Variants in CYFIP2 observed in about 807,000 individuals in gnomAD.
CYFIP2 encodes the protein cytoplasmic FMR1-interacting protein 2.
In CYFIP2, 29 loss-of-function variants were observed where a neutral mutation model predicts 158.7. The ratio of observed to expected loss-of-function variants is 0.18; its 90% confidence interval spans 0.14 to 0.25. The LOEUF is 0.25. Ranked by LOEUF, CYFIP2 falls within the 10% of genes least tolerant of loss-of-function variation. The probability of loss-of-function intolerance (pLI) is 1.00; values close to 1 mark genes in which losing one functional copy is unlikely to be tolerated. For synonymous variants in CYFIP2, 585 were observed against 617.6 expected, an observed-to-expected ratio of 0.95 and a Z score of 0.78; for missense variants, 852 against 1,639.5, an observed-to-expected ratio of 0.52 and a Z score of 8.29.
Position 157,339,114 on chromosome 5 carries a change from A to G in CYFIP2, c.2443A>G (p.Met815Val). The change falls in exon 22 of 31, where the codon ATG becomes GTG. Residue 815 changes from methionine (M) to valine (V), a missense_variant. Physicochemically the swap from Met to Val is conservative, Grantham distance 21 (BLOSUM62 1). Around this residue, in one of 8 missense-constraint regions of CYFIP2, gnomAD observed 191 missense variants for 311.2 expected, o/e 0.61. Transcript: ENST00000620254. ...RLTHRLLCKH[M>V]TLDSFDAMFR... ...CACGCATCGGCTGCTCTGTAAGCAT[A>G]TGACGCTGGACAGCTTCGATGCCAT... The G allele has an allele frequency of 6.2e-7, 1 of 1,614,012 alleles. No homozygotes were observed. The highest frequency in any genetic ancestry group is 1.3e-5 in the African/African-American group (1 of 75,062).
chr5:157,357,835 AAAAC>A (rs955494766), intron 23 of CYFIP2, among the ~76,000 whole-genome samples: 22 of 152,014 alleles, frequency 1.4e-4, no homozygotes, highest in African/African-American at 5.1e-4. Flanking sequence ...TCTCAAAAAA[AAAAC>A]AAAGAAAAAA....
intron 10 of CYFIP2, among the ~76,000 whole-genome samples, chr5:157,310,336 T>C (rs2113027432): frequency 6.6e-6 from 1 of 152,314 alleles, no homozygotes; most frequent in East Asian, 1.9e-4. Context: ...GTTGGGGGGC[T>C]CCAACCTCTG....
intron 21 of CYFIP2, 124 bp from the exon 22 acceptor site, chr5:157,338,933 T>A (rs149102249): frequency 1.7e-5 from 15 of 892,952 alleles, no homozygotes; most frequent in African/African-American, 1.5e-4. Flanking sequence ...CTAGTTCCCA[T>A]GTAGATGGCC....
At position 157,339,628 on chromosome 5, in the gene CYFIP2, T is replaced by G. The variant is rs112061019; in HGVS notation, c.2585+372T>G. Among the ~76,000 whole-genome samples, 866 of 152,254 alleles carry G rather than the reference T, an allele frequency of 5.7e-3. 8 individuals are homozygous for G. Among genetic ancestry groups the G allele is most frequent in the African/African-American group, 0.02 (814 of 41,544 alleles). On this transcript the variant is annotated intron_variant, in intron 22 of 30. Transcript: ENST00000620254. The stretch of plus-strand genomic sequence containing the variant: ...GATCAATCACATGACAAATGTACCA[T>G]TACAAACAGTGAATAAGGAGATGAA...
At position 157,330,755 on chromosome 5, in the gene CYFIP2, A is replaced by C; in HGVS notation, c.2170A>C (p.Lys724Gln). 1 of 1,613,994 alleles carries C rather than the reference A, an allele frequency of 6.2e-7. No individual in the cohort carries two copies. Among genetic ancestry groups the C allele is most frequent in the Non-Finnish European group, 8.5e-7 (1 of 1,179,852 alleles). The change falls in exon 20 of 31, where the codon AAA becomes CAA. Residue 724 changes from lysine (K) to glutamine (Q), a missense_variant. Lys to Gln is a moderately conservative substitution (Grantham distance 53). Around this residue, in one of 8 missense-constraint regions of CYFIP2, gnomAD observed 191 missense variants for 311.2 expected, o/e 0.61. Coordinates refer to ENST00000620254, the MANE Select transcript of CYFIP2 (RefSeq NM_001037333.3). ...TATTCCTTGCAGTGTCCTGTTGGAT[A>C]AACGTTTTCGAGCTGAGTGTAAGAA... ...KAMAGSVLLD[K>Q]RFRAECKNYG... is the part of the protein sequence containing the mutation.
chr5:157,312,439 C>T (rs1333559162), intron 11 of CYFIP2, among the ~76,000 whole-genome samples: 1 of 151,856 alleles, frequency 6.6e-6, no homozygotes, highest in African/African-American at 2.4e-5. Flanking sequence ...CCAACTAAGA[C>T]TGGTATTTGG....
At chr5:157,309,880 G>C (rs776277620) in intron 10 of CYFIP2, 46 bp downstream of exon 10, 7 of 1,540,462 alleles carry the variant, frequency 4.5e-6, no homozygotes, top group Non-Finnish European at 5.3e-6. Context: ...AGGATGCCCA[G>C]CCCGGGCAGA....
chr5:157,371,620 C>T (rs750391944), intron 26 of CYFIP2, among the ~76,000 whole-genome samples: 1 of 152,130 alleles, frequency 6.6e-6, no homozygotes, highest in Non-Finnish European at 1.5e-5. Flanking sequence ...TCCAGTTAGC[C>T]TCATAGACTA....
chr5:157,286,701 T>C lies in CYFIP2; in HGVS notation c.118-318T>C, dbSNP rs985352783. 2.0e-5 allele frequency among the ~76,000 whole-genome samples: 3 copies of C among 152,280 alleles called. No homozygotes were observed. In the South Asian group the frequency reaches 6.2e-4, roughly 32 times the overall value. On this transcript the variant is annotated intron_variant, in intron 2 of 30. Transcript: ENST00000620254. ...ACCCTTGGGTGAGTATTTCTGGAACTGCCGAATCAAAGCAATGCACATCTT... is the reference window on the plus strand; with the variant it reads ...ACCCTTGGGTGAGTATTTCTGGAACCGCCGAATCAAAGCAATGCACATCTT...
intron 26 of CYFIP2, chr5:157,376,631 AT>A (rs1765505651): frequency 1.1e-5 from 2 of 180,874 alleles, no homozygotes; most frequent in Non-Finnish European, 2.4e-5. Context: ...AATGTTCAGA[AT>A]TTATGTATTC....
At chr5:157,295,681 T>A (rs1758194966) in intron 4 of CYFIP2, among the ~76,000 whole-genome samples, 1 of 152,268 alleles carries the variant, frequency 6.6e-6, no homozygotes, top group Non-Finnish European at 1.5e-5. Flanking sequence ...TCTCATTCCT[T>A]CTAACAGCTC....
chr5:157,364,840 A>G (rs1053521489), intron 26 of CYFIP2: 1 of 152,232 alleles, frequency 6.6e-6, no homozygotes, highest in African/African-American at 2.4e-5. Flanking sequence ...CAAAAAAAAA[A>G]AGGAAAGATG....
At chr5:157,294,954 C>T in intron 4 of CYFIP2, 94 bp downstream of exon 4, 9 of 1,019,198 alleles carry the variant, frequency 8.8e-6, no homozygotes, top group Non-Finnish European at 1.3e-5. Flanking sequence ...CTTTTCTTTC[C>T]ACGTGGTAGG....
intron 26 of CYFIP2, among the ~76,000 whole-genome samples, chr5:157,375,068 A>T (rs1418735892): frequency 6.6e-6 from 1 of 152,160 alleles, no homozygotes; most frequent in African/African-American, 2.4e-5. Context: ...AGCATTCCCA[A>T]CTTGAGACTT....
chr5:157,320,112 C>G (rs1760471914), intron 14 of CYFIP2, among the ~76,000 whole-genome samples, 184 bp downstream of exon 14: 1 of 152,216 alleles, frequency 6.6e-6, no homozygotes, highest in African/African-American at 2.4e-5. Context: ...ATATCCACTG[C>G]TATCTAGCTG....
chr5:157,317,358 A>G (rs964615015), intron 13 of CYFIP2, among the ~76,000 whole-genome samples: 1 of 152,226 alleles, frequency 6.6e-6, no homozygotes, highest in Non-Finnish European at 1.5e-5. Flanking sequence ...TGCCTGTACC[A>G]TGTTATTCCA....
At chr5:157,270,177 A>G (rs369596815) in intron 1 of CYFIP2, among the ~76,000 whole-genome samples, 2 of 152,246 alleles carry the variant, frequency 1.3e-5, no homozygotes, top group East Asian at 3.8e-4. Flanking sequence ...TGACTTCATC[A>G]GTAGACCTTT....
In CYFIP2 at chr5:157,319,800, C is replaced by G. The variant is rs1760442744; in HGVS notation, c.1395C>G (p.Gly465=). Reference sequence around the variant, plus strand: ...TCAAAGGCCTGCAGGTGCTCATGGGCAGGATGGAGAGCGTCTTCAACCAGG... The same window carrying G: ...TCAAAGGCCTGCAGGTGCTCATGGGGAGGATGGAGAGCGTCTTCAACCAGG... ...AMIKGLQVLM[G]RMESVFNQAI... The change falls in exon 14 of 31, where the codon GGC becomes GGG. Residue 465 remains glycine, a synonymous_variant. Coordinates refer to ENST00000620254, the MANE Select transcript of CYFIP2 (RefSeq NM_001037333.3). 6.2e-7 allele frequency: 1 copy of G among 1,614,072 alleles called. No individual in the cohort carries two copies. Among genetic ancestry groups the G allele is most frequent in the East Asian group, 2.2e-5 (1 of 44,880 alleles).
intron 5 of CYFIP2, among the ~76,000 whole-genome samples, chr5:157,298,586 T>A (rs766878136): frequency 5.9e-5 from 9 of 151,586 alleles, no homozygotes; most frequent in Non-Finnish European, 1.0e-4. Flanking sequence ...CCTCAAGTGA[T>A]CCACCTGCCT....
Sources: allele counts gnomAD v4.1 joint callset (sites outside exome capture counted in the v4.1 genomes callset), GRCh38; gene constraint gnomAD v4.1.1; regional missense constraint gnomAD v4.1.1; transcripts MANE v1.5; gene names NCBI Gene and HGNC (gene_info 2026-07-23, HGNC 2026-07-21).